The following PEAR1 variants were observed in gnomAD, a reference collection of about 807,000 sequenced individuals.
PEAR1 encodes the protein platelet endothelial aggregation receptor 1.
Under a neutral mutation model 131.2 loss-of-function variants are expected in PEAR1, and 113 were observed. The ratio of observed to expected loss-of-function variants is 0.86; its 90% CI spans 0.74 to 1.01. The LOEUF is 1.01. Ranked by LOEUF, PEAR1 falls within the 50% of genes least tolerant of loss-of-function variation. The pLI is 0.00. For synonymous variants in PEAR1, 565 were observed against 523.3 expected (o/e 1.08, Z -1.09); for missense variants, 1,408 against 1,391.1 (o/e 1.01, Z -0.19).
rs753084403 is a variant in PEAR1 at position 156,914,684 on chromosome 1, G to C, written c.3000G>C (p.Pro1000=). The C allele has an allele frequency of 4.3e-6, 7 of 1,613,246 alleles. No individual in the cohort carries two copies. Residue 1000 remains proline (P), a synonymous_variant, in exon 23 of 23, where the codon CCG becomes CCC. Coordinates refer to ENST00000292357, the MANE Select transcript of PEAR1 (RefSeq NM_001080471.3). ...TGGGCTCCCAGCCCCCTCTGCCTCCGGGCCTACCCCCCGGCCACTATGACT... is the reference window on the plus strand; with the variant it reads ...TGGGCTCCCAGCCCCCTCTGCCTCCCGGCCTACCCCCCGGCCACTATGACT... ...DSVGSQPPLP[P]GLPPGHYDSP... is the part of the protein sequence containing the mutation.
In PEAR1 at chr1:156,910,481, C is replaced by T. The variant is rs1322961363; in HGVS notation, c.1825+101C>T. 109 of 1,545,152 alleles carry T rather than the reference C, an allele frequency of 7.1e-5. 1 individual carries two copies. The highest frequency in any genetic ancestry group is 1.8e-5 in the Non-Finnish European group (21 of 1,142,950). ...CCCCGCGCCCGCCGCCCACCTCTCC[C>T]ACCTTACCCCCGGTCTCTTCCTCTG... On this transcript the variant is annotated intron_variant, in intron 14 of 22. Coordinates refer to ENST00000292357, the MANE Select transcript of PEAR1 (RefSeq NM_001080471.3).
In PEAR1 at chr1:156,909,735, C is replaced by A. The variant is rs1650821593; in HGVS notation, c.1412-16C>A. 1 of 1,583,958 alleles carries A rather than the reference C, an allele frequency of 6.3e-7. No individual in the cohort carries two copies. Among genetic ancestry groups the A allele is most frequent in the African/African-American group, 1.3e-5 (1 of 74,560 alleles). On this transcript the variant is annotated splice_polypyrimidine_tract_variant and intron_variant, in intron 11 of 22. Coordinates refer to ENST00000292357, the MANE Select transcript of PEAR1 (RefSeq NM_001080471.3). ...GAAATGGGTCCCCATACCTACCTAC[C>A]AGGCCCCTCCTCCAGGTTGGCAGCG... is the stretch of plus-strand genomic sequence containing the variant.
intron 22 of PEAR1, among the ~76,000 whole-genome samples, chr1:156,914,364 T>C (rs1204604747): frequency 6.6e-6 from 1 of 151,846 alleles, no homozygotes; most frequent in African/African-American, 2.4e-5. Flanking sequence ...AGTGGTGGAG[T>C]TGGTACCCAG....
chr1:156,911,172 TTTC>T (rs1342887430), intron 15 of PEAR1, among the ~76,000 whole-genome samples: 2 of 135,442 alleles, frequency 1.5e-5, no homozygotes, highest in East Asian at 3.0e-4. Context: ...CTTTCTTTCC[TTTC>T]TTTTCTTTCT....
intron 22 of PEAR1, 122 bp downstream of exon 22, chr1:156,914,222 T>C (rs984465728): frequency 1.1e-5 from 16 of 1,419,890 alleles, no homozygotes; most frequent in Non-Finnish European, 1.5e-5. Context: ...GCCTTTGGGG[T>C]CAGCTTCGGG....
chr1:156,913,370 T>G lies in PEAR1; in HGVS notation c.2512-21T>G, dbSNP rs201044376. On this transcript the variant is annotated intron_variant, in intron 19 of 22. Transcript: ENST00000292357. ...CCCTGTCCTTGCCTCTTGCTCTCCCTCCTGCACTGTCCCCTCTTAGGTTCC... is the reference window on the plus strand; with the variant it reads ...CCCTGTCCTTGCCTCTTGCTCTCCCGCCTGCACTGTCCCCTCTTAGGTTCC... 8.4e-5 allele frequency: 136 copies of G among 1,612,416 alleles called. 1 individual carries two copies. The African/African-American group carries it at 1.5e-3, about 18-fold the overall frequency.
rs77456537 is a variant in PEAR1, at chr1:156,907,715, C to G, written c.750C>G (p.Cys250Trp). The G allele has an allele frequency of 9.3e-6, 15 of 1,610,102 alleles. No individual in the cohort carries two copies. The South Asian group carries it at 1.7e-4, about 18-fold the overall frequency. ...AAACCCCACAGGGCTCCTGCAGCTGCCCCCCTGGCTGGATGGTATGGAGGG... is the reference window on the plus strand; with the variant it reads ...AAACCCCACAGGGCTCCTGCAGCTGGCCCCCTGGCTGGATGGTATGGAGGG... ...VFQTPQGSCS[C>W]PPGWMGTICS... Residue 250 changes from cysteine (C) to tryptophan (W), a missense_variant, in exon 7 of 23, where the codon TGC becomes TGG. Transcript: ENST00000292357.
intron 1 of PEAR1, among the ~76,000 whole-genome samples, chr1:156,898,587 T>C (rs1298942326): frequency 6.6e-6 from 1 of 151,824 alleles, no homozygotes; most frequent in Non-Finnish European, 1.5e-5. Context: ...GGAGAAGTCT[T>C]TGGACTGCGA....
rs141857901 is a variant in PEAR1, at chr1:156,913,402, G to C, written c.2523G>C (p.Pro841=). The C allele has an allele frequency of 6.3e-7, 1 of 1,598,994 alleles. No individual in the cohort carries two copies. Among genetic ancestry groups the C allele is most frequent in the Non-Finnish European group, 8.5e-7 (1 of 1,179,696 alleles). The change falls in exon 20 of 23, where the codon CCG becomes CCC. Residue 841 remains proline, a synonymous_variant. Coordinates refer to ENST00000292357, the MANE Select transcript of PEAR1 (RefSeq NM_001080471.3). ...NPPPPNKVPG[P]LFASLQNPER... ...CTGTCCCCTCTTAGGTTCCAGGCCC[G>C]CTCTTTGCCAGCCTGCAGAACCCTG...
At position 156,908,212 on chromosome 1, in the gene PEAR1, G is replaced by T. The variant is rs769293097; in HGVS notation, c.987G>T (p.Pro329=). The T allele has an allele frequency of 2.5e-6, 4 of 1,602,622 alleles. No individual in the cohort carries two copies. The highest frequency in any genetic ancestry group is 3.4e-6 in the Non-Finnish European group (4 of 1,178,810). ...GCGCCCCGGACGCCCGTTGCTTCCC[G>T]GCCAACGGCGCATGTCTGTGCGAAC... ...CDCAPDARCF[P]ANGACLCEHG... The change falls in exon 9 of 23, where the codon CCG becomes CCT. Residue 329 remains proline, a synonymous_variant. Transcript: ENST00000292357. This position sits in a 1 kb window ranked among gnomAD's most constrained non-coding sequence, Gnocchi z 4.2.
chr1:156,908,750 G>C lies in PEAR1; in HGVS notation c.1211G>C (p.Cys404Ser). 1 of 1,580,474 alleles carries C rather than the reference G, an allele frequency of 6.3e-7. No homozygotes were observed. Among genetic ancestry groups the C allele is most frequent in the South Asian group, 1.1e-5 (1 of 88,234 alleles). ...CCGCAGGACACGCATGGGCCAGGGT[G>C]CCAGGAGCACTGTCTCTGCCTGCAC... Reference protein sequence around the residue: ...SCPQDTHGPGCQEHCLCLHGG... With the variant: ...SCPQDTHGPGSQEHCLCLHGG... The change falls in exon 10 of 23, where the codon TGC becomes TCC. Residue 404 changes from cysteine (C) to serine (S), a missense_variant. Cys to Ser is a moderately radical substitution (Grantham distance 112). Coordinates refer to ENST00000292357, the MANE Select transcript of PEAR1 (RefSeq NM_001080471.3). This position sits in a 1 kb window ranked among gnomAD's most constrained non-coding sequence, Gnocchi z 4.2.
chr1:156,913,204 G>A lies in PEAR1; in HGVS notation c.2433G>A (p.Pro811=), dbSNP rs822441. The A allele has an allele frequency of 2.2e-5, 35 of 1,613,142 alleles. No homozygotes were observed. In the South Asian group the frequency reaches 2.6e-4, roughly 12 times the overall value. The change falls in exon 19 of 23, where the codon CCG becomes CCA. Residue 811 remains proline (P), a synonymous_variant. Coordinates refer to ENST00000292357, the MANE Select transcript of PEAR1 (RefSeq NM_001080471.3). ...GTGTCTGTCATGCAGATGTCCCTCC[G>A]AGCTACAGTCACTACTACTCCAACC... ...GSEYVMPDVP[P]SYSHYYSNPS... is the part of the protein sequence containing the mutation.
At chr1:156,911,594 C>CTTT (rs201928104) in intron 15 of PEAR1, among the ~76,000 whole-genome samples, 1 of 148,388 alleles carries the variant, frequency 6.7e-6, no homozygotes, top group African/African-American at 2.5e-5. Context: ...GCGCCCAGCC[C>CTTT]TTTTTTTCTT....
chr1:156,906,954 G>A, intron 6 of PEAR1, 74 bp downstream of exon 6: 1 of 1,517,360 alleles, frequency 6.6e-7, no homozygotes, highest in Non-Finnish European at 8.8e-7. Context: ...GGGGAAATGA[G>A]GTGACTCAGA....
chr1:156,911,165 TCTTTC>T (rs1458129657), intron 15 of PEAR1, among the ~76,000 whole-genome samples: 4 of 140,966 alleles, frequency 2.8e-5, no homozygotes, highest in Non-Finnish European at 6.0e-5. Context: ...TTTCTTTCTT[TCTTTC>T]CTTTCTTTTC....
intron 1 of PEAR1, among the ~76,000 whole-genome samples, chr1:156,900,297 T>A (rs2102969802): frequency 6.6e-6 from 1 of 151,862 alleles, no homozygotes; most frequent in Non-Finnish European, 1.5e-5. Flanking sequence ...CTTCTGATCA[T>A]GTTCTTGTGG....
Position 156,910,599 on chromosome 1 carries a change from A to T in PEAR1, c.1826-19A>T, listed in dbSNP as rs751087775. The T allele has an allele frequency of 6.2e-7, 1 of 1,612,930 alleles. No individual in the cohort carries two copies. Among genetic ancestry groups the T allele is most frequent in the Non-Finnish European group, 8.5e-7 (1 of 1,179,626 alleles). The stretch of plus-strand genomic sequence containing the variant: ...GGATTGGCCTCTGCCCCCAATCACC[A>T]TGTACCCCTTTCCCCCAGCCTGTCA... On this transcript the variant is annotated intron_variant, in intron 14 of 22. Coordinates refer to ENST00000292357, the MANE Select transcript of PEAR1 (RefSeq NM_001080471.3).
At position 156,913,693 on chromosome 1, in the gene PEAR1, G is replaced by T. The variant is rs769032281; in HGVS notation, c.2646G>T (p.Gly882=). 6.2e-7 allele frequency: 1 copy of T among 1,613,760 alleles called. No individual in the cohort carries two copies. Among genetic ancestry groups the T allele is most frequent in the Non-Finnish European group, 8.5e-7 (1 of 1,179,926 alleles). The part of the protein sequence containing the change: ...REPPPGPLDR[G]SSRLDRSYSY... ...TACCAGTTGCCTCCTCCTCCTCAGG[G>T]AGCAGCCGCCTGGACCGAAGCTACA... The change falls in exon 21 of 23, where the codon GGG becomes GGT. Residue 882 remains glycine, a splice_region_variant and synonymous_variant. Transcript: ENST00000292357.
At position 156,913,492 on chromosome 1, in the gene PEAR1, C is replaced by CCGGGGG; in HGVS notation, c.2617_2618insGGCGGG (p.Arg872_Glu873insGlyArg). On this transcript the variant is annotated inframe_insertion, in exon 20 of 23. Transcript: ENST00000292357. Reference sequence around the variant, plus strand: ...CCCTGCCTGCTGACTGGAAGCACCGCCGGGAGCCCCCTCCAGGGCCTCTGG... The same window carrying CCGGGGG: ...CCCTGCCTGCTGACTGGAAGCACCGCCGGGGGCGGGAGCCCCCTCCAGGGCCTCTGG... The CCGGGGG allele has an allele frequency of 6.2e-7, 1 of 1,613,138 alleles. No homozygotes were observed. Among genetic ancestry groups the CCGGGGG allele is most frequent in the Non-Finnish European group, 8.5e-7 (1 of 1,180,016 alleles).
Sources: gnomAD v4.1 joint callset for allele counts (sites outside exome capture counted in the v4.1 genomes callset) on GRCh38, gnomAD v4.1.1 for gene constraint, Gnocchi (gnomAD v3.1) non-coding constraint, MANE v1.5 for transcripts, NCBI Gene and HGNC (gene_info 2026-07-23, HGNC 2026-07-21) for gene names.